B4GALT6: variants seen among roughly 807,000 people sequenced by gnomAD.
B4GALT6 encodes the protein UDP-Gal:beta-GlcNAc beta-1,4-galactosyltransferase 6.
In B4GALT6, 14 loss-of-function variants were observed where a neutral mutation model predicts 46.3. The ratio of observed to expected loss-of-function variants is 0.30; its 90% confidence interval spans 0.20 to 0.47. The LOEUF (loss-of-function observed/expected upper bound fraction) is 0.47. B4GALT6 is among the 20% of genes least tolerant of loss of function. B4GALT6 has a pLI of 0.99. For synonymous variants in B4GALT6, 168 were observed against 162.0 expected, an observed-to-expected ratio of 1.04 and a Z score of -0.28; for missense variants, 386 against 480.1, an observed-to-expected ratio of 0.80 and a Z score of 1.83.
the B4GALT6 span, among the ~76,000 whole-genome samples, chr18:31,710,043 T>C: frequency 6.7e-6 from 1 of 150,100 alleles, no homozygotes; most frequent in Non-Finnish European, 1.5e-5. Flanking sequence ...TGCAGTGAGC[T>C]GAGATCATGC....
intron 3 of B4GALT6, among the ~76,000 whole-genome samples, chr18:31,653,403 G>A (rs2074098828): frequency 1.4e-5 from 2 of 140,240 alleles, no homozygotes; most frequent in Non-Finnish European, 3.1e-5. Context: ...ATAAACTGCT[G>A]TCTCCCTTTT....
At chr18:31,657,876 G>T in intron 3 of B4GALT6, 100 bp downstream of exon 3, 1 of 800,470 alleles carries the variant, frequency 1.2e-6, no homozygotes, top group Non-Finnish European at 2.0e-6. Context: ...TTTGCACCCA[G>T]GTGCACATGA....
At chr18:31,630,732 G>T (rs1272773261) in intron 6 of B4GALT6, among the ~76,000 whole-genome samples, 1 of 152,066 alleles carries the variant, frequency 6.6e-6, no homozygotes, top group African/African-American at 2.4e-5. Context: ...CAGAAACCAG[G>T]CTCTCTTTCC....
At position 31,630,084 on chromosome 18, in the gene B4GALT6, CGGGGAGGGGGAAGGAGGGGAGCGGGAGT is replaced by C. The variant is rs2073765809; in HGVS notation, c.776+847_776+874del. ...GGAGGGGGAAGAAGGGGAGCGGAAG[CGGGGAGGGGGAAGGAGGGGAGCGGGAGT>C]GGGGAGGAGGAGTGGGGAGGAGGAA... On this transcript the variant is annotated intron_variant, in intron 6 of 8. Coordinates refer to ENST00000306851, the MANE Select transcript of B4GALT6 (RefSeq NM_004775.5). Among the ~76,000 whole-genome samples, 3 of 10,106 alleles carry C rather than the reference CGGGGAGGGGGAAGGAGGGGAGCGGGAGT, an allele frequency of 3.0e-4. No homozygotes were observed. The South Asian group carries it at 7.9e-3, about 27-fold the overall frequency. 6.6% of individuals were successfully genotyped at this position (10,106 alleles called of 152,430 possible). A position where few individuals can be genotyped will look rare whatever the true frequency, so the allele number is the denominator to read the frequency against.
intron 2 of B4GALT6, among the ~76,000 whole-genome samples, chr18:31,661,670 CTA>C (rs1280513888): frequency 6.6e-6 from 1 of 152,082 alleles, no homozygotes; most frequent in Non-Finnish European, 1.5e-5. Flanking sequence ...TAAGGACATA[CTA>C]TACACTACAC....
chr18:31,641,903 T>TC (rs1464813973), intron 4 of B4GALT6, among the ~76,000 whole-genome samples: 1 of 152,200 alleles, frequency 6.6e-6, no homozygotes, highest in Admixed American at 6.5e-5. Flanking sequence ...TGTCCTGCTT[T>TC]CAAATTTTCA....
chr18:31,706,142 A>G, the B4GALT6 span, among the ~76,000 whole-genome samples: 1 of 152,124 alleles, frequency 6.6e-6, no homozygotes, highest in Non-Finnish European at 1.5e-5. Context: ...CCAACATTAT[A>G]AGAAAAAAAT....
At chr18:31,678,884 A>T (rs987682590) in intron 1 of B4GALT6, among the ~76,000 whole-genome samples, 2 of 152,230 alleles carry the variant, frequency 1.3e-5, no homozygotes, top group Non-Finnish European at 1.5e-5. Context: ...ACCATCAGAG[A>T]TGAGGCCCAG....
chr18:31,712,357 C>T, the B4GALT6 span, among the ~76,000 whole-genome samples: 1 of 131,110 alleles, frequency 7.6e-6, no homozygotes, highest in East Asian at 2.4e-4. Flanking sequence ...GGCTGGAGTG[C>T]AGTGGCGTGA....
chr18:31,713,094 T>C, the B4GALT6 span, among the ~76,000 whole-genome samples: 1 of 152,224 alleles, frequency 6.6e-6, no homozygotes, highest in Non-Finnish European at 1.5e-5. Flanking sequence ...GGCCCATGCT[T>C]GTAATCCCAG....
the B4GALT6 span, among the ~76,000 whole-genome samples, chr18:31,699,253 T>A: frequency 2.1e-5 from 3 of 146,340 alleles, no homozygotes; most frequent in Admixed American, 1.4e-4. Flanking sequence ...ATAAAGGCAA[T>A]AGACAGATAT....
chr18:31,677,871 G>C (rs1230785021), intron 1 of B4GALT6, among the ~76,000 whole-genome samples: 1 of 152,152 alleles, frequency 6.6e-6, no homozygotes, highest in East Asian at 1.9e-4. Context: ...AAATGGACTA[G>C]AAAAAGAATG....
At position 31,631,675 on chromosome 18, in the gene B4GALT6, C is replaced by T. The variant is rs144972265; in HGVS notation, c.589-529G>A. Among the ~76,000 whole-genome samples, 703 of 152,224 alleles carry T rather than the reference C, an allele frequency of 4.6e-3. 5 individuals are homozygous for T. The highest frequency in any genetic ancestry group is 0.016 in the African/African-American group (679 of 41,536). Reference sequence around the variant, plus strand: ...TTTTGTTAGTGGAGCTTTCCATATGCTGTCAAGACTAAGAGAAGAGGAAAC... The same window carrying T: ...TTTTGTTAGTGGAGCTTTCCATATGTTGTCAAGACTAAGAGAAGAGGAAAC... On this transcript the variant is annotated intron_variant, in intron 5 of 8. Transcript: ENST00000306851.
intron 1 of B4GALT6, among the ~76,000 whole-genome samples, chr18:31,672,971 T>C (rs897131670): frequency 6.6e-6 from 1 of 151,986 alleles, no homozygotes; most frequent in African/African-American, 2.4e-5. Flanking sequence ...ACTGACAAAG[T>C]GAAAGCAGCA....
At chr18:31,700,674 T>C in the B4GALT6 span, among the ~76,000 whole-genome samples, 3 of 152,118 alleles carry the variant, frequency 2.0e-5, no homozygotes, top group African/African-American at 7.2e-5. Context: ...GCCAGGATAG[T>C]CTCGATCTTC....
intron 4 of B4GALT6, among the ~76,000 whole-genome samples, chr18:31,643,587 T>C (rs1300969274): frequency 1.3e-5 from 2 of 152,150 alleles, no homozygotes; most frequent in Non-Finnish European, 1.5e-5. Flanking sequence ...GTATGAACCT[T>C]AGATCCCTGA....
chr18:31,630,851 TG>T, intron 6 of B4GALT6, 107 bp downstream of exon 6: 2 of 1,192,076 alleles, frequency 1.7e-6, no homozygotes, highest in Non-Finnish European at 2.4e-6. Context: ...ATGATATTCT[TG>T]GGGTTCTTGA....
intron 3 of B4GALT6, among the ~76,000 whole-genome samples, chr18:31,646,341 A>C (rs1567966883): frequency 6.6e-6 from 1 of 152,244 alleles, no homozygotes; most frequent in Non-Finnish European, 1.5e-5. Flanking sequence ...TCTTGAATGG[A>C]AAACCACTTC....
At chr18:31,722,578 T>C in the B4GALT6 span, among the ~76,000 whole-genome samples, 2 of 152,160 alleles carry the variant, frequency 1.3e-5, no homozygotes, top group South Asian at 4.1e-4. Flanking sequence ...CTTTGAGAAG[T>C]GCTTGAGATG....
Sources: allele counts gnomAD v4.1 joint callset (sites outside exome capture counted in the v4.1 genomes callset), GRCh38; gene constraint gnomAD v4.1.1; transcripts MANE v1.5; gene names NCBI Gene and HGNC (gene_info 2026-07-23, HGNC 2026-07-21).